ZEB2: variants seen among roughly 807,000 people sequenced by gnomAD.
ZEB2 encodes zinc finger E-box-binding homeobox 2.
Under a neutral mutation model 99.9 loss-of-function variants are expected in ZEB2, and 6 were observed. That is an observed-to-expected ratio of 0.06 (90% CI 0.03 to 0.12). The LOEUF is 0.12. Ranked by LOEUF, ZEB2 falls within the 10% of genes least tolerant of loss-of-function variation. The probability of loss-of-function intolerance (pLI) is 1.00; values close to 1 mark genes in which losing one functional copy is unlikely to be tolerated. For missense variants in ZEB2, 969 were observed against 1,502.8 expected, an observed-to-expected ratio of 0.64 and a Z score of 5.87; for synonymous variants, 517 against 542.5, an observed-to-expected ratio of 0.95 and a Z score of 0.65.
At chr2:144,489,820 G>GA (rs756785644) in intron 2 of ZEB2, among the ~76,000 whole-genome samples, 2 of 151,798 alleles carry the variant, frequency 1.3e-5, no homozygotes, top group African/African-American at 4.8e-5. Context: ...AACACAAAAG[G>GA]AAAAAAAATA....
At chr2:144,424,017 C>CA (rs2149888764) in intron 4 of ZEB2, among the ~76,000 whole-genome samples, 1 of 151,958 alleles carries the variant, frequency 6.6e-6, no homozygotes, top group South Asian at 2.1e-4. Flanking sequence ...CTCCCCTCCA[C>CA]AAAATAAATA....
chr2:144,519,961 T>G lies in ZEB2; in HGVS notation c.-92A>C. ...TACCTGCGAAGTCTTGTTTGTAGTT[T>G]TGGCCAGAAATGGTGAGAAGAAAAA... On this transcript the variant is annotated 5_prime_UTR_variant, in exon 1 of 10. Transcript: ENST00000627532. The G allele has an allele frequency of 2.2e-6, 1 of 453,742 alleles. No homozygotes were observed. Among genetic ancestry groups the G allele is most frequent in the South Asian group, 1.6e-5 (1 of 64,384 alleles). The allele number at this position is 453,742 out of a possible 1,614,324, so 28.1% of individuals were successfully genotyped here.
chr2:144,513,408 C>T (rs1268248675), intron 2 of ZEB2: 4 of 1,381,530 alleles, frequency 2.9e-6, no homozygotes, highest in Non-Finnish European at 3.8e-6. Flanking sequence ...CACACTGTCC[C>T]CAACCCTTTA....
chr2:144,390,981 T>C (rs1041312605), intron 9 of ZEB2, among the ~76,000 whole-genome samples: 3 of 152,248 alleles, frequency 2.0e-5, no homozygotes, highest in African/African-American at 4.8e-5. Flanking sequence ...AAATGTGTCA[T>C]GTAGAGTGCC....
At chr2:144,463,477 A>T (rs867862827) in intron 2 of ZEB2, 1 of 152,190 alleles carries the variant, frequency 6.6e-6, no homozygotes, top group Middle Eastern at 3.2e-3. Context: ...ATTTAAACAC[A>T]TGGTGAAATA....
intron 4 of ZEB2, among the ~76,000 whole-genome samples, chr2:144,418,059 C>A (rs769067785): frequency 1.3e-5 from 2 of 152,092 alleles, no homozygotes; most frequent in South Asian, 4.1e-4. Flanking sequence ...CATTATTATA[C>A]GTAATCATTA....
intron 4 of ZEB2, among the ~76,000 whole-genome samples, chr2:144,422,063 G>T (rs1018432620): frequency 2.0e-5 from 3 of 152,176 alleles, no homozygotes; most frequent in Admixed American, 6.5e-5. Flanking sequence ...TCAATTGTTT[G>T]TTAAGAAGTC....
intron 2 of ZEB2, among the ~76,000 whole-genome samples, chr2:144,441,110 C>T (rs1456895311): frequency 1.4e-5 from 2 of 145,108 alleles, no homozygotes; most frequent in African/African-American, 5.1e-5. Context: ...AGACTTGCCC[C>T]TAAAGTCGTT....
chr2:144,443,229 T>C (rs1006573951), intron 2 of ZEB2, among the ~76,000 whole-genome samples: 3 of 152,136 alleles, frequency 2.0e-5, no homozygotes, highest in African/African-American at 7.2e-5. Flanking sequence ...AGGGAAGATA[T>C]ATGGCATTTC....
At chr2:144,471,541 T>G (rs1704356582) in intron 2 of ZEB2, among the ~76,000 whole-genome samples, 1 of 151,788 alleles carries the variant, frequency 6.6e-6, no homozygotes, top group South Asian at 2.1e-4. Flanking sequence ...TTTTTTGGCT[T>G]GGGTTTTTCC....
chr2:144,483,150 A>ACACACACACACACACGCGCG (rs1553968387), intron 2 of ZEB2, among the ~76,000 whole-genome samples: 1 of 149,546 alleles, frequency 6.7e-6, no homozygotes, highest in Non-Finnish European at 1.5e-5. Flanking sequence ...ACACACACAC[A>ACACACACACACACACGCGCG]CACACACACA....
In ZEB2 at chr2:144,388,352, T is replaced by G. The variant is rs1404795206; in HGVS notation, c.*1099A>C. The G allele has an allele frequency of 1.3e-5, 2 of 152,578 alleles. No individual in the cohort carries two copies. Among genetic ancestry groups the G allele is most frequent in the African/African-American group, 4.8e-5 (2 of 41,438 alleles). The allele number at this position is 152,578 out of a possible 1,614,324, so 9.5% of individuals were successfully genotyped here. ...AAATGCTCTTCTCTTTACGTAAAAT[T>G]TGCCCAAATGATCAACGTCATGTTC... is the stretch of plus-strand genomic sequence containing the variant. On this transcript the variant is annotated 3_prime_UTR_variant, in exon 10 of 10. Coordinates refer to ENST00000627532, the MANE Select transcript of ZEB2 (RefSeq NM_014795.4). This position sits in a 1 kb window ranked among gnomAD's most constrained non-coding sequence, Gnocchi z 5.4.
At position 144,484,546 on chromosome 2, in the gene ZEB2, T is replaced by G. The variant is rs552728425; in HGVS notation, c.73+32732A>C. Among the ~76,000 whole-genome samples the G allele has an allele frequency of 1.2e-3, 187 of 152,290 alleles. 1 individual carries two copies. The highest frequency in any genetic ancestry group is 4.4e-3 in the African/African-American group (182 of 41,552). On this transcript the variant is annotated intron_variant, in intron 2 of 9. Coordinates refer to ENST00000627532, the MANE Select transcript of ZEB2 (RefSeq NM_014795.4). ...GACACATGGCCTAATCAGGAATGGCTTCTTCTGTATTTCTCCCACCCAAAC... is the reference window on the plus strand; with the variant it reads ...GACACATGGCCTAATCAGGAATGGCGTCTTCTGTATTTCTCCCACCCAAAC...
intron 2 of ZEB2, chr2:144,513,852 T>TC: frequency 6.5e-7 from 1 of 1,532,846 alleles, no homozygotes; most frequent in East Asian, 2.5e-5. Flanking sequence ...GGCTGGGTTT[T>TC]CCCCCTCCTC....
chr2:144,396,678 C>T, intron 8 of ZEB2, 86 bp from the exon 9 acceptor site: 1 of 1,434,618 alleles, frequency 7.0e-7, no homozygotes, highest in South Asian at 1.2e-5. Flanking sequence ...TTTGGAGAAC[C>T]TCAAAATTGC....
chr2:144,519,723 A>C (rs373375756), intron 1 of ZEB2: 38 of 322,208 alleles, frequency 1.2e-4, no homozygotes, highest in African/African-American at 6.9e-4. Flanking sequence ...AAAAGCAAGG[A>C]GAGAGAGTGT....
chr2:144,508,321 G>A (rs1033471443), intron 2 of ZEB2, among the ~76,000 whole-genome samples: 21 of 152,112 alleles, frequency 1.4e-4, no homozygotes, highest in African/African-American at 4.8e-4. Flanking sequence ...TATAACTCAA[G>A]TTTAAAAATG....
At chr2:144,513,589 C>T in intron 2 of ZEB2, 1 of 1,528,244 alleles carries the variant, frequency 6.5e-7, no homozygotes, top group Non-Finnish European at 8.7e-7. Context: ...TGAGATTTTT[C>T]AGAGGCTGAT....
chr2:144,491,088 T>C (rs951918342), intron 2 of ZEB2, among the ~76,000 whole-genome samples: 1 of 152,266 alleles, frequency 6.6e-6, no homozygotes, highest in Non-Finnish European at 1.5e-5. Flanking sequence ...TGTTATGGTC[T>C]ATCATGCCAG....
Sources: gnomAD v4.1 joint callset for allele counts (sites outside exome capture counted in the v4.1 genomes callset) on GRCh38, gnomAD v4.1.1 for gene constraint, Gnocchi (gnomAD v3.1) non-coding constraint, MANE v1.5 for transcripts, NCBI Gene and HGNC (gene_info 2026-07-23, HGNC 2026-07-21) for gene names.